Variants in CYP4Z1 observed in about 807,000 individuals in gnomAD.
CYP4Z1 encodes the protein cytochrome P450 family 4 subfamily Z member 1.
A neutral mutation model predicts 54.2 loss-of-function variants in CYP4Z1; 41 were observed. The ratio of observed to expected loss-of-function variants is 0.76; its 90% CI spans 0.59 to 0.98. The LOEUF is 0.98. CYP4Z1 is among the 50% of genes least tolerant of loss of function. The pLI is 0.00. For synonymous variants in CYP4Z1, 163 were observed against 206.2 expected, an observed-to-expected ratio of 0.79 and a Z score of 1.79; for missense variants, 513 against 599.0, an observed-to-expected ratio of 0.86 and a Z score of 1.50.
At chr1:47,077,923 A>G (rs1644537475) in intron 2 of CYP4Z1, among the ~76,000 whole-genome samples, 1 of 152,010 alleles carries the variant, frequency 6.6e-6, no homozygotes, top group Non-Finnish European at 1.5e-5. Context: ...TCAGCCTGTC[A>G]TATATATTTT....
Position 47,068,709 on chromosome 1 carries a change from A to G in CYP4Z1, c.265A>G (p.Met89Val), listed in dbSNP as rs1351127579. The change falls in exon 2 of 12, where the codon ATG becomes GTG. Residue 89 changes from methionine to valine, a missense_variant. Transcript: ENST00000334194. ...TCCCTTGTGGGTTGGACCCTTTACG[A>G]TGTTCTTCAGTGTCCATGACCCAGA... The part of the protein sequence containing the change: ...AVPLWVGPFT[M>V]FFSVHDPDYA... 1 of 1,614,122 alleles carries G rather than the reference A, an allele frequency of 6.2e-7. No individual in the cohort carries two copies. Among genetic ancestry groups the G allele is most frequent in the South Asian group, 1.1e-5 (1 of 91,084 alleles).
At chr1:47,066,999 G>C (rs115410639), upstream of CYP4Z1, among the ~76,000 whole-genome samples, 5 of 152,102 alleles carry the variant, frequency 3.3e-5, no homozygotes, top group Admixed American at 3.3e-4. Context: ...TTGATAATCA[G>C]GGAAGCTGGA....
chr1:47,106,692 A>T (rs1296751117), intron 9 of CYP4Z1, among the ~76,000 whole-genome samples: 1 of 152,162 alleles, frequency 6.6e-6, no homozygotes, highest in African/African-American at 2.4e-5. Flanking sequence ...AGACTCCAGG[A>T]TTCACAGAGG....
At chr1:47,101,716 T>A (rs1471101174) in intron 8 of CYP4Z1, among the ~76,000 whole-genome samples, 1 of 152,166 alleles carries the variant, frequency 6.6e-6, no homozygotes, top group Non-Finnish European at 1.5e-5. Context: ...AAAATATGTA[T>A]TCTTCACCTA....
At chr1:47,100,146 G>A (rs3958521) in intron 8 of CYP4Z1, among the ~76,000 whole-genome samples, 4 of 152,024 alleles carry the variant, frequency 2.6e-5, no homozygotes, top group African/African-American at 7.2e-5. Flanking sequence ...CTTTTGTTTG[G>A]CTTCTTTTGC....
At chr1:47,077,927 A>G in intron 2 of CYP4Z1, among the ~76,000 whole-genome samples, 1 of 152,036 alleles carries the variant, frequency 6.6e-6, no homozygotes, top group South Asian at 2.1e-4. Context: ...CCTGTCATAT[A>G]TATTTTATGT....
At chr1:47,091,918 GAGAAAGGAGACTGGCTCTAATGTTC>G (rs1177143149) in intron 6 of CYP4Z1, among the ~76,000 whole-genome samples, 1 of 150,982 alleles carries the variant, frequency 6.6e-6, no homozygotes, top group East Asian at 2.0e-4. Context: ...AGTTAAAGGG[GAGAAAGGAGACTGGCTCTAATGTTC>G]AGAAGGAGGT....
chr1:47,056,383 G>A, the CYP4Z1 span, among the ~76,000 whole-genome samples: 10 of 152,218 alleles, frequency 6.6e-5, no homozygotes, highest in Middle Eastern at 3.4e-3. Context: ...GTGCTGAAAA[G>A]AATGTATATT....
At chr1:47,116,074 C>A (rs972761061) in intron 10 of CYP4Z1, among the ~76,000 whole-genome samples, 1 of 152,072 alleles carries the variant, frequency 6.6e-6, no homozygotes, top group Non-Finnish European at 1.5e-5. Context: ...GGAGAGGGGG[C>A]CTGGGAGAGA....
Position 47,068,695 on chromosome 1 carries a change from T to A in CYP4Z1, c.251T>A (p.Val84Asp). Residue 84 changes from valine to aspartate, a missense_variant, in exon 2 of 12, where the codon GTT (valine) becomes GAT (aspartate). Val to Asp is a radical substitution (Grantham distance 152). Coordinates refer to ENST00000334194, the MANE Select transcript of CYP4Z1 (RefSeq NM_178134.3). ...EKYPCAVPLW[V>D]GPFTMFFSVH... is the part of the protein sequence containing the mutation. ...TACCCATGTGCTGTTCCCTTGTGGGTTGGACCCTTTACGATGTTCTTCAGT... is the reference window on the plus strand; with the variant it reads ...TACCCATGTGCTGTTCCCTTGTGGGATGGACCCTTTACGATGTTCTTCAGT... 6.2e-7 allele frequency: 1 copy of A among 1,614,146 alleles called. No homozygotes were observed. The highest frequency in any genetic ancestry group is 1.1e-5 in the South Asian group (1 of 91,080).
At chr1:47,092,636 G>A (rs541621842) in intron 6 of CYP4Z1, among the ~76,000 whole-genome samples, 2 of 152,176 alleles carry the variant, frequency 1.3e-5, no homozygotes, top group African/African-American at 2.4e-5. Context: ...CTCCCAATTG[G>A]GAATGGTGTT....
At chr1:47,061,680 T>A in the CYP4Z1 span, among the ~76,000 whole-genome samples, 3 of 152,216 alleles carry the variant, frequency 2.0e-5, no homozygotes, top group African/African-American at 7.2e-5. Context: ...TAGCTCATTC[T>A]ATAAGACCAG....
chr1:47,113,721 A>G (rs1644809354), intron 9 of CYP4Z1, among the ~76,000 whole-genome samples: 1 of 152,204 alleles, frequency 6.6e-6, no homozygotes, highest in Admixed American at 6.5e-5. Flanking sequence ...TAAAATATCT[A>G]GGAATCCAAC....
At chr1:47,113,977 C>T (rs1209224147) in intron 9 of CYP4Z1, among the ~76,000 whole-genome samples, 3 of 152,116 alleles carry the variant, frequency 2.0e-5, no homozygotes, top group Admixed American at 1.3e-4. Flanking sequence ...AAAAAGAGTC[C>T]GCATCGCCAA....
At position 47,118,032 on chromosome 1, in the gene CYP4Z1, T is replaced by C; in HGVS notation, c.*98T>C. On this transcript the variant is annotated 3_prime_UTR_variant, in exon 12 of 12. Coordinates refer to ENST00000334194, the MANE Select transcript of CYP4Z1 (RefSeq NM_178134.3). The stretch of plus-strand genomic sequence containing the variant: ...TACAAAATATATGTATATGGTTGTT[T>C]GACAAATTATATAACTTAGGATACT... 1 of 1,198,642 alleles carries C rather than the reference T, an allele frequency of 8.3e-7. No individual in the cohort carries two copies. The highest frequency in any genetic ancestry group is 1.9e-5 in the South Asian group (1 of 52,686). The allele number at this position is 1,198,642 out of a possible 1,614,324, so 74.3% of individuals were successfully genotyped here. A position where few individuals can be genotyped will look rare whatever the true frequency, so the allele number is the denominator to read the frequency against.
At position 47,105,613 on chromosome 1, in the gene CYP4Z1, C is replaced by G. The variant is rs554514723; in HGVS notation, c.1068-515C>G. Among the ~76,000 whole-genome samples the G allele has an allele frequency of 2.2e-4, 33 of 152,296 alleles. 1 individual carries two copies. The South Asian group carries it at 6.8e-3, about 32-fold the overall frequency. On this transcript the variant is annotated intron_variant, in intron 8 of 11. Coordinates refer to ENST00000334194, the MANE Select transcript of CYP4Z1 (RefSeq NM_178134.3). ...TCCTTGCTTTTGGTGCTTTCCATCA[C>G]TTCTCTGTTGAATTCCAGCGTTCTC...
At chr1:47,079,228 A>G (rs983970680) in intron 2 of CYP4Z1, among the ~76,000 whole-genome samples, 2 of 152,172 alleles carry the variant, frequency 1.3e-5, no homozygotes, top group East Asian at 3.8e-4. Flanking sequence ...CAAGATTGCC[A>G]TGGTACTGGA....
At chr1:47,114,307 A>C (rs1450047059) in intron 9 of CYP4Z1, among the ~76,000 whole-genome samples, 1 of 152,232 alleles carries the variant, frequency 6.6e-6, no homozygotes, top group Non-Finnish European at 1.5e-5. Context: ...AGATGGATTA[A>C]AGACTTAAAT....
chr1:47,079,588 A>G (rs1367151803), intron 2 of CYP4Z1, among the ~76,000 whole-genome samples: 3 of 152,244 alleles, frequency 2.0e-5, no homozygotes, highest in African/African-American at 4.8e-5. Flanking sequence ...TAACAATTCT[A>G]TCAATCTCTT....
Sources: gnomAD v4.1 joint callset for allele counts (sites outside exome capture counted in the v4.1 genomes callset) on GRCh38, gnomAD v4.1.1 for gene constraint, MANE v1.5 for transcripts, NCBI Gene and HGNC (gene_info 2026-07-23, HGNC 2026-07-21) for gene names.